Variants in DNAJC17 observed in about 807,000 individuals in gnomAD.
DNAJC17 encodes dnaJ homolog subfamily C member 17.
In DNAJC17, 35 loss-of-function variants were observed where a neutral mutation model predicts 48.1. The ratio of observed to expected loss-of-function variants is 0.73; its 90% CI spans 0.56 to 0.96. The LOEUF (loss-of-function observed/expected upper bound fraction) is 0.96, where lower values mean the gene tolerates loss of function less well. DNAJC17 is among the 50% of genes least tolerant of loss of function. The pLI is 0.00. For missense variants in DNAJC17, 355 were observed against 377.1 expected, an observed-to-expected ratio of 0.94 and a Z score of 0.48; for synonymous variants, 117 against 142.7, an observed-to-expected ratio of 0.82 and a Z score of 1.28.
At chr15:40,801,990 G>C (rs554275787) in intron 1 of DNAJC17, among the ~76,000 whole-genome samples, 12 of 151,926 alleles carry the variant, frequency 7.9e-5, no homozygotes, top group Admixed American at 7.9e-4. Flanking sequence ...ACAGGTTTGG[G>C]GATTATTTGG....
In DNAJC17 at chr15:40,767,144, G is replaced by C. The variant is rs957371665; in HGVS notation, c.*796C>G. 1 of 1,384,242 alleles carries C rather than the reference G, an allele frequency of 7.2e-7. No individual in the cohort carries two copies. Among genetic ancestry groups the C allele is most frequent in the Admixed American group, 2.9e-5 (1 of 34,888 alleles). The allele number at this position is 1,384,242 out of a possible 1,614,324, so 85.7% of individuals were successfully genotyped here. A position where few individuals can be genotyped will look rare whatever the true frequency, so the allele number is the denominator to read the frequency against. On this transcript the variant is annotated 3_prime_UTR_variant, in exon 11 of 11. Transcript: ENST00000220496. ...GTGTGAGTCACTACAAGAGTGGCCA[G>C]GCTGCCTGCTGCAGACACTAGCTTT...
chr15:40,772,064 G>C (rs1889159767), intron 10 of DNAJC17: 2 of 167,048 alleles, frequency 1.2e-5, no homozygotes, highest in Admixed American at 1.3e-4. Flanking sequence ...TCCTCGAAGA[G>C]AGGAGAACTG....
At chr15:40,788,205 G>A (rs959817987) in intron 1 of DNAJC17, among the ~76,000 whole-genome samples, 7 of 152,168 alleles carry the variant, frequency 4.6e-5, no homozygotes, top group Non-Finnish European at 8.8e-5. Flanking sequence ...AGGAACCCCA[G>A]AGGTATATGA....
chr15:40,767,901 T>C lies in DNAJC17; in HGVS notation c.*39A>G. ...AAAAAAAAAAATTTATTGGTGACGT[T>C]GAAGAAAAGGGCTGAGGGGTGGATG... On this transcript the variant is annotated 3_prime_UTR_variant, in exon 11 of 11. Coordinates refer to ENST00000220496, the MANE Select transcript of DNAJC17 (RefSeq NM_018163.3). The C allele has an allele frequency of 6.3e-7, 1 of 1,589,860 alleles. No individual in the cohort carries two copies. The highest frequency in any genetic ancestry group is 1.4e-5 in the African/African-American group (1 of 72,792).
intron 1 of DNAJC17, among the ~76,000 whole-genome samples, chr15:40,799,417 T>C (rs1219552102): frequency 6.6e-6 from 1 of 151,910 alleles, no homozygotes; most frequent in East Asian, 1.9e-4. Context: ...TGGCTGATTG[T>C]TAAATCCCCA....
At chr15:40,776,937 CA>C (rs1889343186) in intron 4 of DNAJC17, 1 of 277,596 alleles carries the variant, frequency 3.6e-6, no homozygotes, top group African/African-American at 2.2e-5. Context: ...GGCCATGTGT[CA>C]GGGGTGCCAA....
chr15:40,771,254 T>TG, intron 10 of DNAJC17: 1 of 566,618 alleles, frequency 1.8e-6, no homozygotes, highest in Non-Finnish European at 3.2e-6. Context: ...TCTGGAAATG[T>TG]TGGGGGGGCG....
chr15:40,799,533 C>G (rs1436972600), intron 1 of DNAJC17, among the ~76,000 whole-genome samples: 2 of 152,156 alleles, frequency 1.3e-5, no homozygotes, highest in Admixed American at 6.5e-5. Flanking sequence ...CAGAGTTGAA[C>G]TTGTCCCTAA....
chr15:40,790,985 T>C (rs1239174629), intron 1 of DNAJC17, among the ~76,000 whole-genome samples: 1 of 152,016 alleles, frequency 6.6e-6, no homozygotes, highest in Non-Finnish European at 1.5e-5. Flanking sequence ...GTCAGGCCCT[T>C]GGTGAAGAAC....
Position 40,774,437 on chromosome 15 carries a change from C to A in DNAJC17, c.601-1G>T. 6.2e-7 allele frequency: 1 copy of A among 1,613,982 alleles called. No homozygotes were observed. Among genetic ancestry groups the A allele is most frequent in the Middle Eastern group, 1.7e-4 (1 of 6,036 alleles). On this transcript the variant is annotated splice_acceptor_variant, in intron 8 of 10. Coordinates refer to ENST00000220496, the MANE Select transcript of DNAJC17 (RefSeq NM_018163.3). LOFTEE classifies it high-confidence loss of function. ...GCACCAGGTTGAGAACCTCACCATA[C>A]TGTGGGGACAAAGGGGTCCTAATAA...
At chr15:40,779,787 A>G in intron 2 of DNAJC17, 141 bp downstream of exon 2, 1 of 1,133,232 alleles carries the variant, frequency 8.8e-7, no homozygotes, top group Non-Finnish European at 1.3e-6. Flanking sequence ...CCCTCACAGG[A>G]GGGAAGCCCT....
Position 40,770,739 on chromosome 15 carries a change from C to G in DNAJC17, c.793-2677G>C, listed in dbSNP as rs1472288216. 6.5e-7 allele frequency: 1 copy of G among 1,545,498 alleles called. No individual in the cohort carries two copies. The highest frequency in any genetic ancestry group is 8.7e-7 in the Non-Finnish European group (1 of 1,146,928). On this transcript the variant is annotated intron_variant, in intron 10 of 10. Coordinates refer to ENST00000220496, the MANE Select transcript of DNAJC17 (RefSeq NM_018163.3). This position sits in a 1 kb window ranked among gnomAD's most constrained non-coding sequence, Gnocchi z 5.0. ...GGCCACCCTGCTGGCCCCACCCAAG[C>G]CCCCACGCCTCTACCGAGAGAGCTC...
chr15:40,775,887 G>A (rs1889304337), intron 6 of DNAJC17, among the ~76,000 whole-genome samples: 1 of 152,188 alleles, frequency 6.6e-6, no homozygotes, highest in South Asian at 2.1e-4. Flanking sequence ...CAGACCATGA[G>A]GTTCTACGGG....
intron 1 of DNAJC17, among the ~76,000 whole-genome samples, chr15:40,788,142 G>A (rs1297221665): frequency 6.6e-6 from 1 of 152,138 alleles, no homozygotes; most frequent in African/African-American, 2.4e-5. Context: ...AGCTGGGGCA[G>A]CCACGTCTCC....
rs1364267522 is a variant in DNAJC17 at position 40,769,497 on chromosome 15, C to T, written c.793-1435G>A. Among the ~76,000 whole-genome samples, 1 of 152,262 alleles carries T rather than the reference C, an allele frequency of 6.6e-6. No homozygotes were observed. Among genetic ancestry groups the T allele is most frequent in the Non-Finnish European group, 1.5e-5 (1 of 68,040 alleles). On this transcript the variant is annotated intron_variant, in intron 10 of 10. Transcript: ENST00000220496. The surrounding 1 kb of genome is among the most constrained non-coding windows in gnomAD (Gnocchi z 4.2). ...AACTTGGAGCCACCCTTGGCGGGCC[C>T]CCAGCCCAACCCTGGGCAGCAGAGC...
intron 4 of DNAJC17, 176 bp downstream of exon 4, chr15:40,779,047 A>G (rs750479077): frequency 1.3e-5 from 9 of 690,010 alleles, no homozygotes; most frequent in Non-Finnish European, 2.1e-5. Context: ...AAACCTTATT[A>G]TTGTTATTAT....
At chr15:40,796,394 G>A (rs1889940995) in intron 1 of DNAJC17, among the ~76,000 whole-genome samples, 1 of 152,188 alleles carries the variant, frequency 6.6e-6, no homozygotes, top group Admixed American at 6.5e-5. Flanking sequence ...GTCAGGAAAA[G>A]CCTCTCTGAG....
intron 10 of DNAJC17, chr15:40,772,067 G>A (rs945089745): frequency 2.4e-5 from 4 of 167,060 alleles, no homozygotes; most frequent in Non-Finnish European, 5.9e-5. Flanking sequence ...TCGAAGAGAG[G>A]AGAACTGGAT....
At position 40,773,729 on chromosome 15, in the gene DNAJC17, T is replaced by C. The variant is rs1432044445; in HGVS notation, c.790A>G (p.Lys264Glu). The C allele has an allele frequency of 3.7e-6, 6 of 1,613,112 alleles. No homozygotes were observed. In the Admixed American group the frequency reaches 8.3e-5, roughly 22 times the overall value. The part of the protein sequence containing the change: ...AVGRSHSGLS[K>E]GSVLSERDYE... ...CCGGGCGAGGCCTGACTCCTCACCT[T>C]TGACAGTCCTGAGTGGCTGCGGCCC... Residue 264 changes from lysine to glutamate, a missense_variant and splice_region_variant, in exon 10 of 11, where the codon AAG becomes GAG. By Grantham distance (56) the Lys-to-Glu change is moderately conservative (BLOSUM62 1). Coordinates refer to ENST00000220496, the MANE Select transcript of DNAJC17 (RefSeq NM_018163.3).
Sources: allele counts gnomAD v4.1 joint callset (sites outside exome capture counted in the v4.1 genomes callset), GRCh38; gene constraint gnomAD v4.1.1; non-coding constraint Gnocchi (gnomAD v3.1); transcripts MANE v1.5; gene names NCBI Gene and HGNC (gene_info 2026-07-23, HGNC 2026-07-21).